CNTN5: variants seen among roughly 807,000 people sequenced by gnomAD.
CNTN5 encodes contactin 5.
Under a neutral mutation model 129.1 loss-of-function variants are expected in CNTN5, and 77 were observed. The ratio of observed to expected loss-of-function variants is 0.60; its 90% CI spans 0.50 to 0.72. The LOEUF is 0.72. Ranked by LOEUF, CNTN5 falls within the 30% of genes least tolerant of loss-of-function variation. The pLI is 0.00. For missense variants in CNTN5, 1,478 were observed against 1,328.8 expected (o/e 1.11, Z -1.75); for synonymous variants, 509 against 465.6 (o/e 1.09, Z -1.20).
intron 1 of CNTN5, among the ~76,000 whole-genome samples, chr11:99,317,866 C>T (rs1003743793): frequency 2.0e-5 from 3 of 151,960 alleles, no homozygotes; most frequent in Admixed American, 1.3e-4. Context: ...ATTGCTAATG[C>T]TTTATAGCAG....
intron 2 of CNTN5, among the ~76,000 whole-genome samples, chr11:99,389,391 T>G (rs1941117070): frequency 1.3e-5 from 2 of 152,176 alleles, no homozygotes; most frequent in South Asian, 4.1e-4. Flanking sequence ...TGGAAATAAC[T>G]AAATCTTTAA....
At position 99,875,755 on chromosome 11, in the gene CNTN5, A is replaced by G. The variant is rs180964682; in HGVS notation, c.577+30493A>G. On this transcript the variant is annotated intron_variant, in intron 6 of 24. Coordinates refer to ENST00000524871, the MANE Select transcript of CNTN5 (RefSeq NM_014361.4). ...GGTGTACCTTTTTTAAAGGATATAT[A>G]TATATGAAATACATAATAGACAATA... Among the ~76,000 whole-genome samples, 7 of 152,288 alleles carry G rather than the reference A, an allele frequency of 4.6e-5. No homozygotes were observed. In the East Asian group the frequency reaches 1.2e-3, roughly 25 times the overall value.
intron 2 of CNTN5, among the ~76,000 whole-genome samples, chr11:99,469,182 A>G (rs1261520887): frequency 1.3e-5 from 2 of 152,180 alleles, no homozygotes; most frequent in East Asian, 1.9e-4. Context: ...TTAAAATCTT[A>G]GTATTATCAA....
intron 15 of CNTN5, among the ~76,000 whole-genome samples, chr11:100,223,104 C>T (rs1050172196): frequency 6.6e-6 from 1 of 152,096 alleles, no homozygotes; most frequent in Non-Finnish European, 1.5e-5. Flanking sequence ...TTAAAAGTAG[C>T]AATTTATCCC....
At chr11:99,382,627 T>C (rs1490446814) in intron 2 of CNTN5, among the ~76,000 whole-genome samples, 1 of 152,104 alleles carries the variant, frequency 6.6e-6, no homozygotes. Flanking sequence ...TATGATATTA[T>C]GAATAATCCA....
At chr11:99,930,326 A>G (rs1950162232) in intron 7 of CNTN5, among the ~76,000 whole-genome samples, 1 of 152,192 alleles carries the variant, frequency 6.6e-6, no homozygotes, top group Admixed American at 6.5e-5. Flanking sequence ...ATGTCCCAAG[A>G]GGAAGATCAA....
intron 2 of CNTN5, among the ~76,000 whole-genome samples, chr11:99,460,943 A>G (rs546027202): frequency 1.0e-3 from 153 of 152,230 alleles, no homozygotes; most frequent in African/African-American, 3.3e-3. Context: ...ATTATTCATT[A>G]TAACAAGTTT....
chr11:99,538,928 A>G (rs1261776654), intron 2 of CNTN5, among the ~76,000 whole-genome samples: 1 of 152,114 alleles, frequency 6.6e-6, no homozygotes, highest in Non-Finnish European at 1.5e-5. Flanking sequence ...AGAAAGATTT[A>G]TTTTACTTGA....
At chr11:99,965,465 C>T (rs980874824) in intron 8 of CNTN5, among the ~76,000 whole-genome samples, 7 of 151,946 alleles carry the variant, frequency 4.6e-5, no homozygotes, top group South Asian at 2.1e-4. Context: ...TGTAGTTGAG[C>T]GGTTTTGAGT....
chr11:99,673,959 T>C (rs1953161353), intron 3 of CNTN5, among the ~76,000 whole-genome samples: 1 of 152,182 alleles, frequency 6.6e-6, no homozygotes, highest in Non-Finnish European at 1.5e-5. Flanking sequence ...TTATATTCCT[T>C]TGGGTATATA....
chr11:99,141,059 A>G (rs1395381963), intron 1 of CNTN5, among the ~76,000 whole-genome samples: 1 of 152,064 alleles, frequency 6.6e-6, no homozygotes, highest in Non-Finnish European at 1.5e-5. Flanking sequence ...GGAATAATTT[A>G]CTTAGGATTA....
At chr11:99,270,444 C>T (rs1165350785) in intron 1 of CNTN5, among the ~76,000 whole-genome samples, 1 of 151,802 alleles carries the variant, frequency 6.6e-6, no homozygotes, top group East Asian at 1.9e-4. Flanking sequence ...TCAGTGGAGA[C>T]CTAACCCCAA....
At chr11:100,120,509 A>T (rs1591278899) in intron 13 of CNTN5, among the ~76,000 whole-genome samples, 1 of 151,988 alleles carries the variant, frequency 6.6e-6, no homozygotes, top group Non-Finnish European at 1.5e-5. Context: ...CAACAGAAGA[A>T]TCATAATCCA....
Position 100,331,957 on chromosome 11 carries a change from A to C in CNTN5, c.2731-8506A>C, listed in dbSNP as rs200715900. ...AGAAACAAAAACAATCCAAACCCAC[A>C]TCCAGCAGAAGAAAAGAAATAACAA... On this transcript the variant is annotated intron_variant, in intron 21 of 24. Transcript: ENST00000524871. Among the ~76,000 whole-genome samples, 21 of 152,210 alleles carry C rather than the reference A, an allele frequency of 1.4e-4. No individual in the cohort carries two copies. The East Asian group carries it at 3.9e-3, about 28-fold the overall frequency.
chr11:99,895,489 A>G (rs926815214), intron 6 of CNTN5, among the ~76,000 whole-genome samples: 1 of 152,212 alleles, frequency 6.6e-6, no homozygotes, highest in Non-Finnish European at 1.5e-5. Context: ...AGTGAATACT[A>G]ACACTTCAAG....
chr11:99,839,421 A>T (rs537074991), intron 4 of CNTN5, among the ~76,000 whole-genome samples: 14 of 152,192 alleles, frequency 9.2e-5, no homozygotes, highest in African/African-American at 2.9e-4. Context: ...TTATATATAT[A>T]TATTTTTTTC....
chr11:100,262,955 GAT>G (rs1490934326), intron 17 of CNTN5, among the ~76,000 whole-genome samples: 8 of 151,928 alleles, frequency 5.3e-5, no homozygotes, highest in African/African-American at 1.9e-4. Flanking sequence ...AAGAAAATCT[GAT>G]ATAAAATTAC....
chr11:99,965,586 G>C (rs868141318), intron 8 of CNTN5, among the ~76,000 whole-genome samples: 1 of 152,102 alleles, frequency 6.6e-6, no homozygotes, highest in African/African-American at 2.4e-5. Context: ...CCAACTATGT[G>C]GTCAGTTTTG....
intron 3 of CNTN5, among the ~76,000 whole-genome samples, chr11:99,800,669 T>C (rs1400322761): frequency 6.6e-6 from 1 of 151,986 alleles, no homozygotes; most frequent in Non-Finnish European, 1.5e-5. Flanking sequence ...GAACTTTTTA[T>C]CATTATGTAA....
Sources: gnomAD v4.1 joint callset for allele counts (sites outside exome capture counted in the v4.1 genomes callset) on GRCh38, gnomAD v4.1.1 for gene constraint, MANE v1.5 for transcripts, NCBI Gene and HGNC (gene_info 2026-07-23, HGNC 2026-07-21) for gene names.